PCDH15: variants seen among roughly 807,000 people sequenced by gnomAD.
PCDH15 encodes the protein protocadherin-15.
Under a neutral mutation model 178.5 loss-of-function variants are expected in PCDH15, and 129 were observed. The observed-to-expected ratio is 0.72, with a 90% confidence interval of 0.63 to 0.84. The LOEUF (loss-of-function observed/expected upper bound fraction) is 0.84. PCDH15 is among the 40% of genes least tolerant of loss of function. PCDH15 has a pLI of 0.00. For missense variants in PCDH15, 2,230 were observed against 2,099.9 expected (o/e 1.06, Z -1.21); for synonymous variants, 800 against 732.0 (o/e 1.09, Z -1.50).
At chr10:55,351,601 T>C (rs1844936908) in intron 2 of PCDH15, among the ~76,000 whole-genome samples, 1 of 152,136 alleles carries the variant, frequency 6.6e-6, no homozygotes, top group Non-Finnish European at 1.5e-5. Context: ...CCACTTCAAG[T>C]CTCTTTATTG....
In PCDH15 at chr10:55,107,639, G is replaced by A. The variant is rs182077522; in HGVS notation, c.-80+58937C>T. Among the ~76,000 whole-genome samples the A allele has an allele frequency of 2.9e-3, 444 of 151,508 alleles. 5 individuals carry two copies. The highest frequency in any genetic ancestry group is 9.9e-3 in the African/African-American group (409 of 41,342). On this transcript the variant is annotated intron_variant, in intron 2 of 5. Coordinates refer to the PCDH15 transcript ENST00000458638. ...CCCAAGTAGCTTGTATTGCAGGTGC[G>A]CACCACCATGCCTGGCTAATTTTTT...
chr10:54,784,932 C>T (rs982938822), intron 1 of PCDH15, among the ~76,000 whole-genome samples: 9 of 151,928 alleles, frequency 5.9e-5, no homozygotes, highest in African/African-American at 9.7e-5. Context: ...CAACCCCCAT[C>T]GCATACTGAA....
intron 1 of PCDH15, among the ~76,000 whole-genome samples, chr10:55,316,005 G>A (rs1433433360): frequency 2.0e-5 from 3 of 152,164 alleles, no homozygotes; most frequent in South Asian, 2.1e-4. Context: ...AATAGAGCAA[G>A]GCTCCTTCTA....
chr10:54,118,886 G>A (rs550190892), intron 15 of PCDH15, among the ~76,000 whole-genome samples: 1 of 151,588 alleles, frequency 6.6e-6, no homozygotes, highest in Admixed American at 6.6e-5. Flanking sequence ...GAAGAAAAAC[G>A]GGAATCCAAT....
intron 1 of PCDH15, among the ~76,000 whole-genome samples, chr10:55,240,776 T>A (rs2132211323): frequency 6.6e-6 from 1 of 152,308 alleles, no homozygotes; most frequent in Non-Finnish European, 1.5e-5. Context: ...AATAAGTATG[T>A]ATTCACAAAA....
At chr10:55,010,130 C>T (rs932846586) in intron 2 of PCDH15, among the ~76,000 whole-genome samples, 1 of 152,054 alleles carries the variant, frequency 6.6e-6, no homozygotes, top group African/African-American at 2.4e-5. Context: ...ATGGACCAAT[C>T]ACTCATTACA....
At chr10:55,107,703 G>A (rs1447214374) in intron 2 of PCDH15, among the ~76,000 whole-genome samples, 1 of 151,488 alleles carries the variant, frequency 6.6e-6, no homozygotes, top group Non-Finnish European at 1.5e-5. Context: ...ATGTTGGCCA[G>A]GCTGGTCTCG....
intron 2 of PCDH15, among the ~76,000 whole-genome samples, chr10:55,068,609 A>AT (rs1841628902): frequency 6.6e-6 from 1 of 151,904 alleles, no homozygotes; most frequent in South Asian, 2.1e-4. Flanking sequence ...ATTTTAGGAT[A>AT]TTTTTTATTT....
In PCDH15 at chr10:53,886,242, C is replaced by T. The variant is rs186937361; in HGVS notation, c.3501+17001G>A. ...TTCTCATTTATATTCAGATAAAATT[C>T]ATTAGCTAGTGTTGTCATCACTCTG... On this transcript the variant is annotated intron_variant, in intron 26 of 37. Transcript: ENST00000644397. 2.7e-3 allele frequency among the ~76,000 whole-genome samples: 416 copies of T among 152,214 alleles called. 2 individuals carry two copies. The highest frequency in any genetic ancestry group is 3.9e-3 in the Non-Finnish European group (265 of 68,002).
At chr10:55,401,487 A>G (rs958086841) in intron 2 of PCDH15, among the ~76,000 whole-genome samples, 3 of 152,012 alleles carry the variant, frequency 2.0e-5, no homozygotes, top group African/African-American at 7.2e-5. Context: ...TGTAATGCAA[A>G]GGTCTGTGCC....
At chr10:54,179,236 C>T (rs1383016167) in intron 13 of PCDH15, among the ~76,000 whole-genome samples, 1 of 137,918 alleles carries the variant, frequency 7.3e-6, no homozygotes, top group Non-Finnish European at 1.7e-5. Context: ...TACTATGCAG[C>T]CATAAAAAAA....
intron 2 of PCDH15, among the ~76,000 whole-genome samples, chr10:55,401,340 TTA>T (rs1838057592): frequency 4.7e-5 from 6 of 127,136 alleles, no homozygotes; most frequent in African/African-American, 1.8e-4. Flanking sequence ...CAGCACTTAC[TTA>T]TGAGATTAAT....
chr10:54,011,280 CA>C (rs780899239), intron 20 of PCDH15, among the ~76,000 whole-genome samples: 4 of 152,190 alleles, frequency 2.6e-5, no homozygotes, highest in Non-Finnish European at 5.9e-5. Context: ...GCCACACCTC[CA>C]GACAGCTGCA....
intron 3 of PCDH15, among the ~76,000 whole-genome samples, chr10:54,390,648 T>C (rs1257264862): frequency 1.3e-5 from 2 of 152,152 alleles, no homozygotes; most frequent in African/African-American, 2.4e-5. Context: ...AGATCTTATA[T>C]TCCTGTCTTG....
At chr10:54,501,735 AT>A in intron 3 of PCDH15, among the ~76,000 whole-genome samples, 1 of 152,230 alleles carries the variant, frequency 6.6e-6, no homozygotes, top group Middle Eastern at 3.4e-3. Context: ...TTTGATGTGT[AT>A]AATTCTCCAT....
chr10:55,102,857 A>G (rs1842603178), intron 2 of PCDH15, among the ~76,000 whole-genome samples: 1 of 152,146 alleles, frequency 6.6e-6, no homozygotes, highest in Non-Finnish European at 1.5e-5. Flanking sequence ...TAAAAACTAG[A>G]GAAAAAAATG....
intron 1 of PCDH15, among the ~76,000 whole-genome samples, chr10:55,289,982 A>C (rs191405056): frequency 1.3e-3 from 190 of 150,364 alleles, no homozygotes; most frequent in Non-Finnish European, 2.0e-3. Flanking sequence ...CTCTTCTGTC[A>C]TAAGAAAACA....
chr10:55,175,663 CAAAAAAAAAAAAAAAGAA>C (rs1839463630), intron 1 of PCDH15, among the ~76,000 whole-genome samples: 1 of 106,674 alleles, frequency 9.4e-6, no homozygotes, highest in Non-Finnish European at 1.9e-5. Context: ...GACTCTGTCT[CAAAAAAAAAAAAAAAGAA>C]AAAGAAAAAA....
At chr10:54,313,827 G>A (rs947360129) in intron 8 of PCDH15, among the ~76,000 whole-genome samples, 16 of 152,198 alleles carry the variant, frequency 1.1e-4, no homozygotes, top group Admixed American at 4.6e-4. Flanking sequence ...AGGAATGAGA[G>A]AGATGCTCAG....
Sources: gnomAD v4.1 joint callset for allele counts (sites outside exome capture counted in the v4.1 genomes callset) on GRCh38, gnomAD v4.1.1 for gene constraint, MANE v1.5 for transcripts, NCBI Gene and HGNC (gene_info 2026-07-23, HGNC 2026-07-21) for gene names.